Variants in SLC8A1 observed in about 807,000 individuals in gnomAD.
SLC8A1 encodes solute carrier family 8 member A1.
In SLC8A1, 18 loss-of-function variants were observed where a neutral mutation model predicts 68.3. The observed-to-expected ratio is 0.26, with a 90% CI of 0.18 to 0.39. SLC8A1 has a LOEUF of 0.39. SLC8A1 is among the 10% of genes least tolerant of loss of function. The pLI is 1.00. For missense variants in SLC8A1, 985 were observed against 1,156.7 expected (o/e 0.85, Z 2.15); for synonymous variants, 475 against 415.5 (o/e 1.14, Z -1.74).
intron 2 of SLC8A1, among the ~76,000 whole-genome samples, chr2:40,229,673 T>G (rs1209320313): frequency 6.6e-5 from 10 of 151,328 alleles, no homozygotes; most frequent in Admixed American, 2.6e-4. Context: ...CTGGAAAGGT[T>G]CATTATGATC....
exon 8 of SLC8A1, chr2:40,102,885 T>C (rs1248869523): frequency 2.0e-5 from 3 of 152,224 alleles, no homozygotes; most frequent in Non-Finnish European, 4.4e-5. Context: ...AATAGCTCTA[T>C]ATAGAAATTT....
At chr2:40,319,865 C>T (rs968090760) in intron 2 of SLC8A1, among the ~76,000 whole-genome samples, 1 of 152,074 alleles carries the variant, frequency 6.6e-6, no homozygotes, top group Non-Finnish European at 1.5e-5. Context: ...CACAATTTTG[C>T]TCCTCCTTCT....
At chr2:40,351,772 G>A (rs2149447217) in intron 2 of SLC8A1, among the ~76,000 whole-genome samples, 1 of 152,118 alleles carries the variant, frequency 6.6e-6, no homozygotes, top group Non-Finnish European at 1.5e-5. Flanking sequence ...ACAGACAATA[G>A]CTTGCCTAAG....
chr2:40,511,528 T>G (rs1237410174), intron 1 of SLC8A1, among the ~76,000 whole-genome samples: 1 of 152,166 alleles, frequency 6.6e-6, no homozygotes, highest in African/African-American at 2.4e-5. Flanking sequence ...GATACTGGTG[T>G]TGTTACTCTG....
intron 2 of SLC8A1, among the ~76,000 whole-genome samples, chr2:40,240,211 A>C (rs1395484554): frequency 3.3e-5 from 5 of 152,236 alleles, no homozygotes; most frequent in African/African-American, 4.8e-5. Context: ...AGATACAGAG[A>C]GTACTTATTA....
intron 1 of SLC8A1, among the ~76,000 whole-genome samples, chr2:40,509,437 ATTTTTT>A (rs367549288): frequency 1.8e-5 from 2 of 113,754 alleles, no homozygotes; most frequent in South Asian, 2.8e-4. Flanking sequence ...GGGATTTGGA[ATTTTTT>A]TTTTTTTTTT....
At chr2:40,416,105 G>T (rs1382790972) in intron 2 of SLC8A1, among the ~76,000 whole-genome samples, 1 of 145,182 alleles carries the variant, frequency 6.9e-6, no homozygotes, top group East Asian at 2.0e-4. Flanking sequence ...GAGACAGCAA[G>T]CACAGAGATG....
intron 2 of SLC8A1, among the ~76,000 whole-genome samples, chr2:40,422,831 C>A (rs991743514): frequency 6.6e-6 from 1 of 152,026 alleles, no homozygotes; most frequent in Non-Finnish European, 1.5e-5. Flanking sequence ...AGCACATAAC[C>A]TTTTATTTCA....
At chr2:40,251,800 T>C (rs2062798126) in intron 2 of SLC8A1, 1 of 152,170 alleles carries the variant, frequency 6.6e-6, no homozygotes, top group Admixed American at 6.5e-5. Context: ...CTTTCGTCTC[T>C]CTATTCTTTT....
intron 6 of SLC8A1, among the ~76,000 whole-genome samples, chr2:40,153,628 A>G (rs1376086176): frequency 6.6e-6 from 1 of 152,164 alleles, no homozygotes; most frequent in Non-Finnish European, 1.5e-5. Context: ...GCCTGAAACA[A>G]CCTACCTACC....
chr2:40,310,197 C>T (rs1298640470), intron 2 of SLC8A1, among the ~76,000 whole-genome samples: 6 of 152,154 alleles, frequency 3.9e-5, no homozygotes, highest in Non-Finnish European at 8.8e-5. Context: ...TTCTTTTCTT[C>T]CAGATGTATG....
chr2:40,156,562 C>A (rs1362928231), intron 6 of SLC8A1, among the ~76,000 whole-genome samples: 2 of 151,918 alleles, frequency 1.3e-5, no homozygotes, highest in Non-Finnish European at 2.9e-5. Context: ...GCAGGATAAG[C>A]CTATGGGTGC....
At chr2:40,306,461 G>GT (rs2072628946) in intron 2 of SLC8A1, among the ~76,000 whole-genome samples, 1 of 128,260 alleles carries the variant, frequency 7.8e-6, no homozygotes, top group African/African-American at 4.4e-5. Context: ...GTGGGGGGGG[G>GT]CATAGCGTGG....
chr2:40,489,600 A>G (rs929707395), intron 1 of SLC8A1, among the ~76,000 whole-genome samples: 8 of 152,096 alleles, frequency 5.3e-5, no homozygotes, highest in Non-Finnish European at 5.9e-5. Context: ...AGTAGAGTAG[A>G]GTTTCACTTT....
intron 2 of SLC8A1, among the ~76,000 whole-genome samples, chr2:40,398,619 A>G (rs1687741885): frequency 6.6e-6 from 1 of 152,180 alleles, no homozygotes; most frequent in African/African-American, 2.4e-5. Flanking sequence ...AATAGTCAAT[A>G]TGATTTTTAA....
chr2:40,489,054 G>T (rs1315194644), intron 1 of SLC8A1, among the ~76,000 whole-genome samples: 1 of 152,110 alleles, frequency 6.6e-6, no homozygotes, highest in Non-Finnish European at 1.5e-5. Context: ...TGCTTATTCT[G>T]TGTCGGGAAC....
At chr2:40,320,402 T>A (rs2075048379) in intron 2 of SLC8A1, among the ~76,000 whole-genome samples, 1 of 152,186 alleles carries the variant, frequency 6.6e-6, no homozygotes, top group Admixed American at 6.6e-5. Flanking sequence ...ACAGTTTACC[T>A]GGCATTAGCT....
At position 40,415,955 on chromosome 2, in the gene SLC8A1, A is replaced by C. The variant is rs534342833; in HGVS notation, c.1808+12518T>G. 2.2e-4 allele frequency among the ~76,000 whole-genome samples: 33 copies of C among 148,660 alleles called. No individual in the cohort carries two copies. The East Asian group carries it at 6.3e-3, about 29-fold the overall frequency. On this transcript the variant is annotated intron_variant, in intron 2 of 7. Transcript: ENST00000406785. ...CAGGTGTCTATAATCCCAGCTACTT[A>C]GGAGGCTGAGGCAGGAGAATTGCTT...
intron 2 of SLC8A1, among the ~76,000 whole-genome samples, chr2:40,334,941 C>G (rs572218438): frequency 6.6e-6 from 1 of 152,272 alleles, no homozygotes; most frequent in South Asian, 2.1e-4. Flanking sequence ...TCCTTGTCTT[C>G]CCCCTAACCT....
Sources: allele counts gnomAD v4.1 joint callset (sites outside exome capture counted in the v4.1 genomes callset), GRCh38; gene constraint gnomAD v4.1.1; transcripts MANE v1.5; gene names NCBI Gene and HGNC (gene_info 2026-07-23, HGNC 2026-07-21).